Variants in RPS6KC1 observed in about 807,000 individuals in gnomAD.
RPS6KC1 encodes the protein ribosomal protein S6 kinase C1.
In RPS6KC1, 54 loss-of-function variants were observed where a neutral mutation model predicts 103.8. The ratio of observed to expected loss-of-function variants is 0.52; its 90% confidence interval spans 0.42 to 0.65. RPS6KC1 has a LOEUF of 0.65. Among genes scored for constraint, RPS6KC1 ranks in the 30% least tolerant of loss-of-function variants. RPS6KC1 has a pLI of 0.00. For missense variants in RPS6KC1, 1,151 were observed against 1,253.8 expected (o/e 0.92, Z 1.24); for synonymous variants, 439 against 438.7 (o/e 1.00, Z -0.01).
intron 14 of RPS6KC1, among the ~76,000 whole-genome samples, chr1:213,268,155 G>T (rs1364121583): frequency 6.6e-6 from 1 of 151,912 alleles, no homozygotes; most frequent in East Asian, 1.9e-4. Context: ...CCAAATTGTT[G>T]AAAGGTAAAA....
the RPS6KC1 span, among the ~76,000 whole-genome samples, chr1:213,428,518 C>CT: frequency 7.3e-5 from 4 of 54,984 alleles, no homozygotes; most frequent in African/African-American, 1.7e-4. Context: ...TCCTTCCTTC[C>CT]TCTTTCTCTC....
the RPS6KC1 span, among the ~76,000 whole-genome samples, chr1:213,605,905 C>T: frequency 0.013 from 1,994 of 152,018 alleles, 22 homozygotes; most frequent in Middle Eastern, 0.024. Context: ...AGGATGCCGC[C>T]GATTACAGAA....
chr1:213,407,866 C>A, the RPS6KC1 span, among the ~76,000 whole-genome samples: 1 of 152,180 alleles, frequency 6.6e-6, no homozygotes, highest in Admixed American at 6.5e-5. Flanking sequence ...GAAACCTGAC[C>A]TGCTACAATA....
At chr1:213,271,858 T>C (rs1347538440) in intron 14 of RPS6KC1, among the ~76,000 whole-genome samples, 5 of 152,056 alleles carry the variant, frequency 3.3e-5, no homozygotes, top group East Asian at 1.9e-4. Context: ...TGTACACTTA[T>C]AAGGGATGAA....
At chr1:213,745,738 T>G in the RPS6KC1 span, among the ~76,000 whole-genome samples, 3 of 152,308 alleles carry the variant, frequency 2.0e-5, no homozygotes, top group South Asian at 2.1e-4. Flanking sequence ...ACTGCAATCC[T>G]GCAAATCAAA....
chr1:213,291,717 G>A, the RPS6KC1 span, among the ~76,000 whole-genome samples: 160 of 152,314 alleles, frequency 1.1e-3, no homozygotes, highest in African/African-American at 2.7e-3. Context: ...ATAAAGAGGT[G>A]TAGTGGGGAT....
chr1:213,220,628 T>A (rs1330429058), intron 8 of RPS6KC1, among the ~76,000 whole-genome samples: 1 of 152,234 alleles, frequency 6.6e-6, no homozygotes, highest in African/African-American at 2.4e-5. Flanking sequence ...CCCAGCCTTC[T>A]GTTGCCATTT....
chr1:213,789,734 A>G, the RPS6KC1 span, among the ~76,000 whole-genome samples: 2 of 152,212 alleles, frequency 1.3e-5, no homozygotes, highest in Non-Finnish European at 2.9e-5. Context: ...CTACTAGAAC[A>G]GTGACAAGAA....
chr1:213,719,760 G>C, the RPS6KC1 span, among the ~76,000 whole-genome samples: 15 of 152,098 alleles, frequency 9.9e-5, no homozygotes, highest in African/African-American at 3.6e-4. Context: ...GGTGGCAAGG[G>C]TGCCCAGGTG....
the RPS6KC1 span, among the ~76,000 whole-genome samples, chr1:213,382,409 G>A: frequency 1.3e-5 from 2 of 152,054 alleles, no homozygotes; most frequent in Non-Finnish European, 2.9e-5. Context: ...TGGCGAGCTG[G>A]TTTTTTGTAT....
intron 3 of RPS6KC1, among the ~76,000 whole-genome samples, chr1:213,085,166 T>C (rs1244545687): frequency 6.6e-6 from 1 of 152,224 alleles, no homozygotes; most frequent in Non-Finnish European, 1.5e-5. Flanking sequence ...CTCTTTCAGC[T>C]TTTCGTAGCT....
At chr1:213,792,527 A>T in the RPS6KC1 span, among the ~76,000 whole-genome samples, 2 of 152,158 alleles carry the variant, frequency 1.3e-5, no homozygotes, top group African/African-American at 4.8e-5. Context: ...GTTTAAACCC[A>T]ATTCTTCCCT....
the RPS6KC1 span, among the ~76,000 whole-genome samples, chr1:213,415,686 C>G: frequency 6.6e-6 from 1 of 152,158 alleles, no homozygotes; most frequent in African/African-American, 2.4e-5. Flanking sequence ...TTCTTTAATG[C>G]CAATGTGAAC....
At chr1:213,814,795 G>A in the RPS6KC1 span, among the ~76,000 whole-genome samples, 2 of 152,188 alleles carry the variant, frequency 1.3e-5, no homozygotes, top group Non-Finnish European at 2.9e-5. Flanking sequence ...CTTATTCCAA[G>A]TCACAAGGCT....
chr1:213,191,502 T>C (rs777951106), intron 8 of RPS6KC1, among the ~76,000 whole-genome samples: 22 of 152,246 alleles, frequency 1.4e-4, no homozygotes, highest in Non-Finnish European at 2.5e-4. Context: ...CCTGCAATTG[T>C]ACTGAATTTG....
At chr1:213,467,623 T>C in the RPS6KC1 span, among the ~76,000 whole-genome samples, 4 of 152,166 alleles carry the variant, frequency 2.6e-5, no homozygotes, top group Non-Finnish European at 5.9e-5. Flanking sequence ...AATGAAGAAA[T>C]AGATTGGGAT....
At chr1:213,381,994 G>A in the RPS6KC1 span, among the ~76,000 whole-genome samples, 1 of 152,206 alleles carries the variant, frequency 6.6e-6, no homozygotes, top group South Asian at 2.1e-4. Flanking sequence ...AACCTTGGAC[G>A]AGGGGATGGC....
At chr1:213,193,866 G>C (rs935977886) in intron 8 of RPS6KC1, among the ~76,000 whole-genome samples, 14 of 151,978 alleles carry the variant, frequency 9.2e-5, no homozygotes, top group Admixed American at 9.2e-4. Flanking sequence ...GGATTCAAGC[G>C]ATCTGCCCAT....
At chr1:213,608,043 C>T in the RPS6KC1 span, among the ~76,000 whole-genome samples, 1 of 152,198 alleles carries the variant, frequency 6.6e-6, no homozygotes, top group African/African-American at 2.4e-5. Context: ...TCAGAAGTCA[C>T]ATGCAGGACA....
Sources: gnomAD v4.1 joint callset for allele counts (sites outside exome capture counted in the v4.1 genomes callset) on GRCh38, gnomAD v4.1.1 for gene constraint, MANE v1.5 for transcripts, NCBI Gene and HGNC (gene_info 2026-07-23, HGNC 2026-07-21) for gene names.